CSGALNACT1: variants seen among roughly 807,000 people sequenced by gnomAD.
The protein encoded by CSGALNACT1 is beta4GalNAcT-1.
In CSGALNACT1, 52 loss-of-function variants were observed where a neutral mutation model predicts 51.0. That is an observed-to-expected ratio of 1.02 (90% CI 0.82 to 1.29). The LOEUF is 1.29. Ranked by LOEUF, CSGALNACT1 falls within the 50% of genes most tolerant of loss-of-function variation. The probability of loss-of-function intolerance (pLI) is 0.00; values close to 1 mark genes in which losing one functional copy is unlikely to be tolerated. For missense variants in CSGALNACT1, 935 were observed against 679.2 expected (o/e 1.38, Z -4.19); for synonymous variants, 341 against 254.4 (o/e 1.34, Z -3.24).
intron 1 of CSGALNACT1, among the ~76,000 whole-genome samples, chr8:19,727,539 T>C (rs7831059): frequency 0.72 from 109,481 of 152,064 alleles, 39,520 homozygotes; most frequent in Middle Eastern, 0.85. Flanking sequence ...TGTGTAGAGA[T>C]GGGGTTTCAA....
chr8:19,482,697 C>T (rs1479037407), intron 4 of CSGALNACT1, among the ~76,000 whole-genome samples: 3 of 152,082 alleles, frequency 2.0e-5, no homozygotes, highest in South Asian at 2.1e-4. Flanking sequence ...CTCAAAGTTC[C>T]GATCACAGAT....
chr8:19,556,807 C>T (rs1051942075), intron 3 of CSGALNACT1, among the ~76,000 whole-genome samples: 1 of 151,950 alleles, frequency 6.6e-6, no homozygotes, highest in Non-Finnish European at 1.5e-5. Flanking sequence ...TAGCAATTTT[C>T]AGGTCAACAG....
chr8:19,520,137 T>G (rs188441514), intron 3 of CSGALNACT1, among the ~76,000 whole-genome samples: 1 of 152,318 alleles, frequency 6.6e-6, no homozygotes, highest in East Asian at 1.9e-4. Flanking sequence ...CAAAAAGATA[T>G]GAGCACACAA....
chr8:19,685,580 C>G (rs888996979), upstream of CSGALNACT1, among the ~76,000 whole-genome samples: 1 of 152,160 alleles, frequency 6.6e-6, no homozygotes, highest in African/African-American at 2.4e-5. Context: ...TTACATGGTT[C>G]TTTAAAAGGA....
intron 1 of CSGALNACT1, among the ~76,000 whole-genome samples, chr8:19,705,526 A>C (rs375562310): frequency 2.6e-5 from 4 of 152,228 alleles, no homozygotes; most frequent in East Asian, 3.8e-4. Context: ...GCTTAAGCCC[A>C]GGAGCTCAAG....
At chr8:19,490,908 C>G (rs1275153957) in intron 4 of CSGALNACT1, among the ~76,000 whole-genome samples, 2 of 152,182 alleles carry the variant, frequency 1.3e-5, no homozygotes, top group East Asian at 3.8e-4. Flanking sequence ...CACCTCGAAA[C>G]CTGGGACTGT....
intron 5 of CSGALNACT1, among the ~76,000 whole-genome samples, chr8:19,451,267 G>A (rs1156368142): frequency 6.6e-6 from 1 of 152,014 alleles, no homozygotes. Flanking sequence ...CTTGCCTGTT[G>A]GGATGTCCTG....
intron 4 of CSGALNACT1, among the ~76,000 whole-genome samples, chr8:19,484,818 C>A (rs1385383454): frequency 6.6e-6 from 1 of 152,082 alleles, no homozygotes; most frequent in African/African-American, 2.4e-5. Flanking sequence ...GGGTCCTAAT[C>A]CAATCTGACC....
intron 9 of CSGALNACT1, among the ~76,000 whole-genome samples, chr8:19,407,627 G>A (rs1233662076): frequency 6.6e-6 from 1 of 152,134 alleles, no homozygotes; most frequent in African/African-American, 2.4e-5. Flanking sequence ...GTGAGGCCTG[G>A]GAGGATCTCT....
intron 4 of CSGALNACT1, among the ~76,000 whole-genome samples, chr8:19,488,722 AAGACCCATATAT>A (rs1439437205): frequency 6.6e-6 from 1 of 152,150 alleles, no homozygotes; most frequent in Non-Finnish European, 1.5e-5. Context: ...GACATGTGTA[AAGACCCATATAT>A]AGTTTATAAC....
chr8:19,637,307 C>G (rs2056202214), intron 1 of CSGALNACT1, among the ~76,000 whole-genome samples: 1 of 152,182 alleles, frequency 6.6e-6, no homozygotes, highest in Non-Finnish European at 1.5e-5. Flanking sequence ...TTCTTTTCAA[C>G]CAAAAGCCTT....
At position 19,622,869 on chromosome 8, in the gene CSGALNACT1, C is replaced by G. The variant is rs113171886; in HGVS notation, c.-543-21004G>C. The stretch of plus-strand genomic sequence containing the variant: ...AAGTAGTAAGATGGTAGATTGAAAG[C>G]TAAATCTGTAATTCTATTAAAGGCC... On this transcript the variant is annotated intron_variant, in intron 1 of 9. Coordinates refer to the CSGALNACT1 transcript ENST00000332246. Among the ~76,000 whole-genome samples the G allele has an allele frequency of 1.4e-4, 22 of 152,102 alleles. 1 individual carries two copies. Among genetic ancestry groups the G allele is most frequent in the African/African-American group, 5.1e-4 (21 of 41,504 alleles).
chr8:19,713,082 C>T lies in CSGALNACT1; in HGVS notation c.-297+44768G>A, dbSNP rs571940559. On this transcript the variant is annotated intron_variant, in intron 1 of 1. Transcript: ENST00000517494. ...TCTTTCAGAAAACATTGCCTGATTACTCTCCATCCCCATTTCCTCTGATTG... is the reference window on the plus strand; with the variant it reads ...TCTTTCAGAAAACATTGCCTGATTATTCTCCATCCCCATTTCCTCTGATTG... 3.9e-5 allele frequency among the ~76,000 whole-genome samples: 6 copies of T among 152,290 alleles called. No individual in the cohort carries two copies. The South Asian group carries it at 1.0e-3, about 26-fold the overall frequency.
intron 1 of CSGALNACT1, among the ~76,000 whole-genome samples, chr8:19,647,927 A>C (rs2057426162): frequency 6.6e-6 from 1 of 152,198 alleles, no homozygotes; most frequent in African/African-American, 2.4e-5. Context: ...GTGTTGTGCC[A>C]ATCTCAGACC....
At chr8:19,416,673 G>C (rs1397327349) in intron 8 of CSGALNACT1, among the ~76,000 whole-genome samples, 2 of 152,150 alleles carry the variant, frequency 1.3e-5, no homozygotes, top group African/African-American at 2.4e-5. Flanking sequence ...GTAGTATTCA[G>C]GACAGTCACA....
At chr8:19,567,003 T>G (rs2042030250) in intron 3 of CSGALNACT1, among the ~76,000 whole-genome samples, 1 of 152,186 alleles carries the variant, frequency 6.6e-6, no homozygotes, top group Admixed American at 6.5e-5. Context: ...TGCAGAAGGA[T>G]AAGATAATAT....
chr8:19,418,592 T>C, intron 8 of CSGALNACT1, 64 bp downstream of exon 7: 2 of 1,059,516 alleles, frequency 1.9e-6, no homozygotes, highest in Non-Finnish European at 3.0e-6. Flanking sequence ...CATGGTCAGG[T>C]ACCCCTGGTA....
intron 1 of CSGALNACT1, among the ~76,000 whole-genome samples, chr8:19,674,761 G>C (rs1259393348): frequency 6.6e-6 from 1 of 152,170 alleles, no homozygotes; most frequent in Non-Finnish European, 1.5e-5. Context: ...TTAGGAGGCA[G>C]TGATGGCTCT....
intron 1 of CSGALNACT1, among the ~76,000 whole-genome samples, chr8:19,664,482 T>G (rs2059018647): frequency 6.6e-6 from 1 of 152,190 alleles, no homozygotes; most frequent in South Asian, 2.1e-4. Context: ...ATCCCACTAC[T>G]GGGTATCTAC....
Sources: gnomAD v4.1 joint callset for allele counts (sites outside exome capture counted in the v4.1 genomes callset) on GRCh38, gnomAD v4.1.1 for gene constraint, MANE v1.5 for transcripts, NCBI Gene and HGNC (gene_info 2026-07-23, HGNC 2026-07-21) for gene names.